The following EFL1 variants were observed in gnomAD, a reference collection of about 807,000 sequenced individuals.
EFL1 encodes elongation factor like GTPase 1.
In EFL1, 76 loss-of-function variants were observed where a neutral mutation model predicts 126.7. The observed-to-expected ratio is 0.60, with a 90% CI of 0.50 to 0.73. The LOEUF (loss-of-function observed/expected upper bound fraction) is 0.73. EFL1 is among the 30% of genes least tolerant of loss of function. The pLI is 0.00. For missense variants in EFL1, 1,128 were observed against 1,343.2 expected, an observed-to-expected ratio of 0.84 and a Z score of 2.50; for synonymous variants, 410 against 448.4, an observed-to-expected ratio of 0.91 and a Z score of 1.08.
chr15:82,246,908 C>G (rs1358810183), intron 4 of EFL1, among the ~76,000 whole-genome samples: 3 of 152,146 alleles, frequency 2.0e-5, no homozygotes, highest in African/African-American at 7.3e-5. Context: ...GATGGGAAAT[C>G]TGCCAGCAGT....
intron 15 of EFL1, among the ~76,000 whole-genome samples, chr15:82,191,315 T>G (rs1309268108): frequency 2.0e-5 from 3 of 152,210 alleles, no homozygotes; most frequent in Admixed American, 2.0e-4. Context: ...GTTTAAAGTT[T>G]CATCACTCAA....
Position 82,157,934 on chromosome 15 carries a change from C to T in EFL1, c.1883-74G>A, listed in dbSNP as rs1009559393. 4.4e-5 allele frequency: 62 copies of T among 1,417,680 alleles called. 1 individual carries two copies. In the South Asian group the frequency reaches 8.6e-4, roughly 20 times the overall value. 87.8% of individuals were successfully genotyped at this position (1,417,680 alleles called of 1,614,324 possible). On this transcript the variant is annotated intron_variant, in intron 16 of 19. Coordinates refer to ENST00000268206, the MANE Select transcript of EFL1 (RefSeq NM_024580.6). ...AATTCAAAGACAATGGCTCTGGCTA[C>T]TGAAGGGAAAATTACATTGAAATAA...
At chr15:82,164,554 G>A (rs1248779943) in intron 15 of EFL1, among the ~76,000 whole-genome samples, 2 of 152,146 alleles carry the variant, frequency 1.3e-5, no homozygotes, top group Non-Finnish European at 2.9e-5. Context: ...AGACTCTGAA[G>A]GTTGCATATT....
chr15:82,164,050 C>T (rs1422457375), intron 15 of EFL1, 66 bp from the exon 16 acceptor site: 22 of 1,584,932 alleles, frequency 1.4e-5, no homozygotes, highest in Non-Finnish European at 1.9e-5. Flanking sequence ...GTCAGAAAAA[C>T]AGCAGCATCA....
At chr15:82,136,090 G>A (rs910446189) in intron 19 of EFL1, among the ~76,000 whole-genome samples, 1 of 148,802 alleles carries the variant, frequency 6.7e-6, no homozygotes, top group African/African-American at 2.5e-5. Flanking sequence ...GAAATGAAGG[G>A]AACTTTATAC....
chr15:82,244,083 G>C (rs1202925531), intron 4 of EFL1, among the ~76,000 whole-genome samples: 1 of 152,064 alleles, frequency 6.6e-6, no homozygotes, highest in African/African-American at 2.4e-5. Context: ...GCTGACAAAG[G>C]CTTGGCTCAG....
intron 17 of EFL1, among the ~76,000 whole-genome samples, chr15:82,153,598 T>C (rs1026992196): frequency 2.0e-5 from 3 of 152,228 alleles, no homozygotes; most frequent in African/African-American, 7.2e-5. Flanking sequence ...AAATAGTCTG[T>C]AAGTGAAGAA....
chr15:82,152,040 C>T lies in EFL1; in HGVS notation c.2414G>A (p.Gly805Glu). The T allele has an allele frequency of 6.2e-7, 1 of 1,614,140 alleles. No homozygotes were observed. Among genetic ancestry groups the T allele is most frequent in the Non-Finnish European group, 8.5e-7 (1 of 1,180,032 alleles). ...KTQEKIWEFK[G>E]KLEQHLTGRR... ...CCCTGTTAGGTGTTGCTCCAGTTTT[C>T]CTTTGAATTCCCAAATTTTCTCTTG... The change falls in exon 18 of 20, where the codon GGA (glycine) becomes GAA (glutamate). Residue 805 changes from glycine (G) to glutamate (E), a missense_variant. Coordinates refer to ENST00000268206, the MANE Select transcript of EFL1 (RefSeq NM_024580.6).
At chr15:82,191,919 A>G (rs1025156954) in intron 15 of EFL1, among the ~76,000 whole-genome samples, 1 of 152,216 alleles carries the variant, frequency 6.6e-6, no homozygotes, top group Non-Finnish European at 1.5e-5. Flanking sequence ...CATGGAATAC[A>G]AGCTAGAAGA....
intron 18 of EFL1, among the ~76,000 whole-genome samples, chr15:82,142,443 T>G (rs531748049): frequency 2.0e-5 from 3 of 152,118 alleles, no homozygotes; most frequent in South Asian, 4.2e-4. Context: ...TGGACTATGA[T>G]TGTGCCACTG....
In EFL1 at chr15:82,184,969, T is replaced by G. The variant is rs570110139; in HGVS notation, c.1751-20985A>C. ...TGTTTAGCTAATAAATAGGAGACCTTCATTTCCCCAGACTGTGCTAACATG... is the reference window on the plus strand; with the variant it reads ...TGTTTAGCTAATAAATAGGAGACCTGCATTTCCCCAGACTGTGCTAACATG... On this transcript the variant is annotated intron_variant, in intron 15 of 19. Coordinates refer to ENST00000268206, the MANE Select transcript of EFL1 (RefSeq NM_024580.6). 4.6e-5 allele frequency among the ~76,000 whole-genome samples: 7 copies of G among 152,322 alleles called. No individual in the cohort carries two copies. The South Asian group carries it at 8.3e-4, about 18-fold the overall frequency.
chr15:82,142,427 C>T (rs550074477), intron 18 of EFL1, among the ~76,000 whole-genome samples: 22 of 152,146 alleles, frequency 1.4e-4, no homozygotes, highest in African/African-American at 5.3e-4. Flanking sequence ...GAGTTGGAGG[C>T]TGCAGTGGAC....
chr15:82,194,858 G>A (rs1320648877), intron 15 of EFL1, among the ~76,000 whole-genome samples: 3 of 152,246 alleles, frequency 2.0e-5, no homozygotes, highest in East Asian at 3.9e-4. Flanking sequence ...TCGGAATCTT[G>A]TAATCAATGA....
intron 16 of EFL1, chr15:82,160,062 C>G (rs2141238189): frequency 6.6e-6 from 1 of 152,394 alleles, no homozygotes; most frequent in South Asian, 2.1e-4. Context: ...GTGCAGCTCT[C>G]TCCAACAGTG....
intron 18 of EFL1, 103 bp from the exon 19 acceptor site, chr15:82,138,945 A>G: frequency 9.2e-7 from 1 of 1,086,466 alleles, no homozygotes; most frequent in Non-Finnish European, 1.3e-6. Context: ...TAAATGATTA[A>G]ATTTGTTCTC....
chr15:82,182,678 A>G (rs927127598), intron 15 of EFL1, among the ~76,000 whole-genome samples: 1 of 152,026 alleles, frequency 6.6e-6, no homozygotes, highest in Non-Finnish European at 1.5e-5. Flanking sequence ...CAAAAAAATT[A>G]GCCGGGCGTG....
chr15:82,241,498 G>GA (rs2074931153), intron 4 of EFL1, 95 bp from the exon 5 acceptor site: 5 of 1,428,942 alleles, frequency 3.5e-6, no homozygotes, highest in South Asian at 1.5e-5. Flanking sequence ...AAGCTTCTAA[G>GA]AAAAAACTGA....
intron 15 of EFL1, among the ~76,000 whole-genome samples, chr15:82,183,641 G>C (rs1421145058): frequency 6.6e-6 from 1 of 152,194 alleles, no homozygotes; most frequent in African/African-American, 2.4e-5. Flanking sequence ...TCTAAAGATG[G>C]TCTAGCAAAA....
chr15:82,171,939 G>A (rs964865388), intron 15 of EFL1, among the ~76,000 whole-genome samples: 2 of 151,624 alleles, frequency 1.3e-5, no homozygotes, highest in African/African-American at 4.9e-5. Flanking sequence ...TTTCAATGTC[G>A]AAAGGGGACA....
Sources: gnomAD v4.1 joint callset for allele counts (sites outside exome capture counted in the v4.1 genomes callset) on GRCh38, gnomAD v4.1.1 for gene constraint, MANE v1.5 for transcripts, NCBI Gene and HGNC (gene_info 2026-07-23, HGNC 2026-07-21) for gene names.